Variants in DHX9 observed in about 807,000 individuals in gnomAD.
The protein encoded by DHX9 is ATP-dependent RNA helicase A.
DHX9 carries 27 observed loss-of-function variants against 148.7 expected under a neutral mutation model. That is an observed-to-expected ratio of 0.18 (90% CI 0.13 to 0.25). The LOEUF is 0.25. Among genes scored for constraint, DHX9 ranks in the 10% least tolerant of loss-of-function variants. The pLI, the probability that DHX9 is intolerant of heterozygous loss-of-function variation, is 1.00. For missense variants in DHX9, 796 were observed against 1,559.6 expected, an observed-to-expected ratio of 0.51 and a Z score of 8.25; for synonymous variants, 529 against 516.6, an observed-to-expected ratio of 1.02 and a Z score of -0.33.
chr1:182,884,252 C>T (rs1310827386), intron 26 of DHX9, among the ~76,000 whole-genome samples: 2 of 152,064 alleles, frequency 1.3e-5, no homozygotes, highest in African/African-American at 4.8e-5. Flanking sequence ...GCGAGGGCAA[C>T]AGAGCAAGAC....
chr1:182,849,917 C>CT (rs1668101058), intron 3 of DHX9, among the ~76,000 whole-genome samples: 2 of 147,122 alleles, frequency 1.4e-5, no homozygotes, highest in South Asian at 2.2e-4. Flanking sequence ...CCCATTATAA[C>CT]TTTATTTTTA....
In DHX9 at chr1:182,878,450, A is replaced by G. The variant is rs528712122; in HGVS notation, c.2351+277A>G. Among the ~76,000 whole-genome samples the G allele has an allele frequency of 3.3e-5, 5 of 152,342 alleles. No homozygotes were observed. The East Asian group carries it at 9.6e-4, about 29-fold the overall frequency. The stretch of plus-strand genomic sequence containing the variant: ...CTTAGGCCTGCATTTCCCTCATTCT[A>G]TAAAATATTAAGTTACTTAACCTCT... On this transcript the variant is annotated intron_variant, in intron 20 of 27. Coordinates refer to ENST00000367549, the MANE Select transcript of DHX9 (RefSeq NM_001357.5).
intron 2 of DHX9, 105 bp from the exon 3 acceptor site, chr1:182,843,189 T>TA (rs1322332178): frequency 6.6e-6 from 5 of 762,846 alleles, no homozygotes; most frequent in Non-Finnish European, 9.3e-6. Flanking sequence ...GTATATTTCC[T>TA]AAAGTTAGCT....
intron 1 of DHX9, among the ~76,000 whole-genome samples, chr1:182,841,597 G>T (rs1667931448): frequency 6.6e-6 from 1 of 152,220 alleles, no homozygotes; most frequent in Non-Finnish European, 1.5e-5. Context: ...TATGCTAGGG[G>T]TGCAGTTTGA....
At chr1:182,840,613 T>A (rs1381989664) in intron 1 of DHX9, among the ~76,000 whole-genome samples, 1 of 152,136 alleles carries the variant, frequency 6.6e-6, no homozygotes, top group Non-Finnish European at 1.5e-5. Context: ...CTTGCTCTTA[T>A]AATTAGGAGC....
intron 6 of DHX9, among the ~76,000 whole-genome samples, chr1:182,854,905 A>G (rs1255380709): frequency 6.6e-6 from 1 of 152,158 alleles, no homozygotes; most frequent in Non-Finnish European, 1.5e-5. Context: ...TTTTATTAGA[A>G]CGGAGGGGAG....
chr1:182,857,843 T>C (rs1030371705), intron 7 of DHX9, among the ~76,000 whole-genome samples: 1 of 152,264 alleles, frequency 6.6e-6, no homozygotes, highest in Non-Finnish European at 1.5e-5. Context: ...TTTGTTGAAA[T>C]AGGTTATTTG....
intron 20 of DHX9, among the ~76,000 whole-genome samples, chr1:182,878,582 C>T (rs913318417): frequency 2.0e-5 from 3 of 152,194 alleles, no homozygotes; most frequent in African/African-American, 7.2e-5. Context: ...GTGTATGGCA[C>T]ATCATGATCT....
chr1:182,882,655 A>T (rs1313503696), intron 24 of DHX9, among the ~76,000 whole-genome samples: 1 of 152,170 alleles, frequency 6.6e-6, no homozygotes. Flanking sequence ...TCACGAGGTC[A>T]GGAGATCGAG....
At chr1:182,859,608 G>A (rs1668320086) in intron 11 of DHX9, among the ~76,000 whole-genome samples, 1 of 151,892 alleles carries the variant, frequency 6.6e-6, no homozygotes, top group South Asian at 2.1e-4. Context: ...TGGAAGTTTG[G>A]TTTTTTTGTT....
At chr1:182,858,990 A>C (rs756019684) in intron 10 of DHX9, 50 bp from the exon 11 acceptor site, 41 of 1,611,154 alleles carry the variant, frequency 2.5e-5, no homozygotes, top group Non-Finnish European at 3.1e-5. Flanking sequence ...ATTTATTTTG[A>C]AGCTGAATTA....
chr1:182,864,114 G>A (rs1317724742), intron 12 of DHX9, among the ~76,000 whole-genome samples: 2 of 152,168 alleles, frequency 1.3e-5, no homozygotes, highest in Non-Finnish European at 2.9e-5. Flanking sequence ...TTTCTTGAGA[G>A]ACAGGGTCTT....
chr1:182,880,371 G>A (rs560383965), intron 21 of DHX9, 126 bp from the exon 22 acceptor site: 3 of 566,740 alleles, frequency 5.3e-6, no homozygotes, highest in South Asian at 2.5e-5. Flanking sequence ...CCGTAGACAT[G>A]GTATTAGCGA....
intron 14 of DHX9, among the ~76,000 whole-genome samples, chr1:182,868,421 C>T (rs1226583787): frequency 1.3e-5 from 2 of 151,044 alleles, no homozygotes; most frequent in Non-Finnish European, 1.5e-5. Context: ...TGAAATGTGA[C>T]ATTATTTGAT....
chr1:182,883,378 G>A lies in DHX9; in HGVS notation c.3144+10G>A, dbSNP rs1030239571. 6.2e-7 allele frequency: 1 copy of A among 1,608,624 alleles called. No homozygotes were observed. The highest frequency in any genetic ancestry group is 8.5e-7 in the Non-Finnish European group (1 of 1,175,968). ...TGTATTTGGTGAAAAGGTAAGAAAA[G>A]ACTAGAAAAGTTTACATTGAAAGTT... On this transcript the variant is annotated intron_variant, in intron 25 of 27. Coordinates refer to ENST00000367549, the MANE Select transcript of DHX9 (RefSeq NM_001357.5).
chr1:182,867,182 C>G (rs1178945427), intron 14 of DHX9, 139 bp downstream of exon 14: 3 of 556,274 alleles, frequency 5.4e-6, no homozygotes, highest in Non-Finnish European at 9.2e-6. Context: ...TGTTGAAAAT[C>G]TTTTTTTAGT....
intron 19 of DHX9, 33 bp downstream of exon 19, chr1:182,876,936 A>G: frequency 1.3e-6 from 2 of 1,513,864 alleles, no homozygotes; most frequent in Non-Finnish European, 1.8e-6. Flanking sequence ...TGTCTGCTCC[A>G]GTGTTACTAA....
chr1:182,855,088 ATATT>A (rs1557968141), intron 6 of DHX9, among the ~76,000 whole-genome samples: 1 of 152,242 alleles, frequency 6.6e-6, no homozygotes, highest in Non-Finnish European at 1.5e-5. Context: ...GATCAAAATG[ATATT>A]TAGAGCATGG....
At chr1:182,884,582 C>G (rs1252993574) in intron 26 of DHX9, 31 bp from the exon 27 acceptor site, 4 of 1,597,046 alleles carry the variant, frequency 2.5e-6, no homozygotes, top group African/African-American at 2.7e-5. Context: ...TATACTCCCT[C>G]TCTTATTTTT....
Sources: gnomAD v4.1 joint callset for allele counts (sites outside exome capture counted in the v4.1 genomes callset) on GRCh38, gnomAD v4.1.1 for gene constraint, MANE v1.5 for transcripts, NCBI Gene and HGNC (gene_info 2026-07-23, HGNC 2026-07-21) for gene names.